The following INKA2 variants were observed in gnomAD, a reference collection of about 807,000 sequenced individuals.
INKA2 encodes inka box actin regulator 2, also known as PAK4-inhibitor INKA2.
A neutral mutation model predicts 9.8 loss-of-function variants in INKA2; 3 were observed. The observed-to-expected ratio is 0.31, with a 90% CI of 0.14 to 0.79. INKA2 has a LOEUF of 0.79. INKA2 is among the 30% of genes least tolerant of loss of function. The pLI is 0.62. For missense variants in INKA2, 392 were observed against 384.4 expected, an observed-to-expected ratio of 1.02 and a Z score of -0.17; for synonymous variants, 147 against 143.3, an observed-to-expected ratio of 1.03 and a Z score of -0.18.
In INKA2 at chr1:111,727,326, C is replaced by A. The variant is rs1441239950; in HGVS notation, c.536G>T (p.Gly179Val). ...WLDLPELEKG[G>V]EKGETGGARE... The stretch of plus-strand genomic sequence containing the variant: ...TGCCCCCCCAGTCTCACCCTTCTCC[C>A]CACCCTTCTCCAGTTCTGGCAAGTC... The change falls in exon 2 of 2, where the codon GGG becomes GTG. Residue 179 changes from glycine (G) to valine (V), a missense_variant. Physicochemically the swap from Gly to Val is moderately radical, Grantham distance 109 (BLOSUM62 -3). Transcript: ENST00000357260. 3.7e-6 allele frequency: 6 copies of A among 1,614,206 alleles called. No homozygotes were observed. Among genetic ancestry groups the A allele is most frequent in the Non-Finnish European group, 5.1e-6 (6 of 1,180,018 alleles).
In INKA2 at chr1:111,739,385, G is replaced by T; in HGVS notation, c.-143C>A. On this transcript the variant is annotated 5_prime_UTR_variant, in exon 1 of 2. Coordinates refer to ENST00000357260, the MANE Select transcript of INKA2 (RefSeq NM_019099.5). The stretch of plus-strand genomic sequence containing the variant: ...AGCTGAGCCTGCGCTCCGAGCCCGG[G>T]ACTCAGAGTCGCTTCCCCAGCGGCT... The T allele has an allele frequency of 1.3e-6, 2 of 1,497,122 alleles. No homozygotes were observed. Among genetic ancestry groups the T allele is most frequent in the South Asian group, 1.3e-5 (1 of 77,048 alleles). The allele number at this position is 1,497,122 out of a possible 1,614,324, so 92.7% of individuals were successfully genotyped here. A position where few individuals can be genotyped will look rare whatever the true frequency, so the allele number is the denominator to read the frequency against.
At chr1:111,737,588 T>C (rs557377211) in intron 1 of INKA2, among the ~76,000 whole-genome samples, 2 of 152,182 alleles carry the variant, frequency 1.3e-5, no homozygotes, top group South Asian at 2.1e-4. Flanking sequence ...CACACATAAA[T>C]GGAAAAAAAT....
At chr1:111,734,599 G>A (rs570311968) in intron 1 of INKA2, among the ~76,000 whole-genome samples, 1 of 152,166 alleles carries the variant, frequency 6.6e-6, no homozygotes, top group Admixed American at 6.5e-5. Context: ...GTGTGTCCAC[G>A]ACAGCTCTTT....
intron 1 of INKA2, chr1:111,746,479 A>C (rs773054291): frequency 6.6e-6 from 1 of 152,234 alleles, no homozygotes; most frequent in Non-Finnish European, 1.5e-5. Context: ...GAGGCAATAG[A>C]GAGTGAATAA....
At chr1:111,744,270 A>C (rs1663210172), upstream of INKA2, 1 of 152,206 alleles carries the variant, frequency 6.6e-6, no homozygotes, top group South Asian at 2.1e-4. Context: ...TTTAATTAAA[A>C]ATTAAAAAAA....
At chr1:111,730,351 T>C (rs937898898) in intron 1 of INKA2, among the ~76,000 whole-genome samples, 3 of 152,168 alleles carry the variant, frequency 2.0e-5, no homozygotes, top group African/African-American at 7.2e-5. Flanking sequence ...TCCATTCAAC[T>C]ACCCCTGCTC....
chr1:111,738,690 C>G (rs1401710329), intron 1 of INKA2, among the ~76,000 whole-genome samples: 1 of 152,158 alleles, frequency 6.6e-6, no homozygotes, highest in Non-Finnish European at 1.5e-5. Context: ...GTACCCGCTT[C>G]CCTCGAGCGA....
chr1:111,732,140 A>G (rs138085464), intron 1 of INKA2, among the ~76,000 whole-genome samples: 5 of 152,308 alleles, frequency 3.3e-5, no homozygotes, highest in Non-Finnish European at 7.4e-5. Flanking sequence ...CTAAGAGAGG[A>G]GCCAGCAAAA....
intron 1 of INKA2, among the ~76,000 whole-genome samples, chr1:111,732,626 G>C (rs1662934339): frequency 6.7e-6 from 1 of 149,880 alleles, no homozygotes. Context: ...CACCATCAAA[G>C]GTAAAACCCT....
In INKA2 at chr1:111,726,039, C is replaced by T. The variant is rs971889554; in HGVS notation, c.*929G>A. ...GGCGTGAGCCACAGCGCCCAGCCTG[C>T]GGGGTGCTAAGAACTGTTGGGGAGG... On this transcript the variant is annotated 3_prime_UTR_variant, in exon 2 of 2. Transcript: ENST00000357260. 3 of 398,530 alleles carry T rather than the reference C, an allele frequency of 7.5e-6. No homozygotes were observed. Among genetic ancestry groups the T allele is most frequent in the African/African-American group, 6.2e-5 (3 of 48,620 alleles). 24.7% of individuals were successfully genotyped at this position (398,530 alleles called of 1,614,324 possible).
chr1:111,732,403 G>A (rs537284035), intron 1 of INKA2, among the ~76,000 whole-genome samples: 1 of 152,072 alleles, frequency 6.6e-6, no homozygotes, highest in South Asian at 2.1e-4. Context: ...TGCAGGGTGC[G>A]GAGTTCCTCC....
At chr1:111,742,829 A>G (rs971899703), upstream of INKA2, among the ~76,000 whole-genome samples, 6 of 152,254 alleles carry the variant, frequency 3.9e-5, no homozygotes, top group African/African-American at 1.2e-4. Flanking sequence ...TTGGAGGACA[A>G]TTACTGTCTA....
At chr1:111,732,736 C>T (rs1343802157) in intron 1 of INKA2, among the ~76,000 whole-genome samples, 1 of 151,948 alleles carries the variant, frequency 6.6e-6, no homozygotes, top group Non-Finnish European at 1.5e-5. Flanking sequence ...CCCACAGTCC[C>T]TCTCCCACCC....
At chr1:111,728,909 T>TTTTTTC (rs1352982516) in intron 1 of INKA2, among the ~76,000 whole-genome samples, 2 of 149,376 alleles carry the variant, frequency 1.3e-5, no homozygotes, top group Non-Finnish European at 3.0e-5. Flanking sequence ...TAGGCTTTTT[T>TTTTTTC]TTTTTTTTTT....
intron 1 of INKA2, among the ~76,000 whole-genome samples, chr1:111,737,194 G>A (rs1229865711): frequency 1.3e-5 from 2 of 152,316 alleles, no homozygotes; most frequent in Middle Eastern, 3.4e-3. Context: ...GGGGCACTCC[G>A]TGACTTCAGC....
intron 1 of INKA2, chr1:111,746,805 T>A (rs1663283155): frequency 6.6e-6 from 1 of 152,136 alleles, no homozygotes; most frequent in Admixed American, 6.5e-5. Flanking sequence ...AGACAGTAGA[T>A]CACCAGAGGG....
intron 1 of INKA2, among the ~76,000 whole-genome samples, chr1:111,736,699 T>A (rs927400165): frequency 1.3e-5 from 2 of 152,188 alleles, no homozygotes; most frequent in African/African-American, 4.8e-5. Flanking sequence ...CTGCCTGGGA[T>A]GGGCCATCTG....
intron 1 of INKA2, among the ~76,000 whole-genome samples, chr1:111,730,523 G>A (rs914575183): frequency 2.6e-5 from 4 of 152,088 alleles, no homozygotes; most frequent in African/African-American, 9.7e-5. Flanking sequence ...CATCTCCGTG[G>A]CTCTCCAATG....
chr1:111,728,220 T>A (rs1348418683), intron 1 of INKA2, among the ~76,000 whole-genome samples: 1 of 152,216 alleles, frequency 6.6e-6, no homozygotes, highest in Non-Finnish European at 1.5e-5. Context: ...TCATCCTTTT[T>A]TGAGTCTGAG....
Sources: allele counts gnomAD v4.1 joint callset (sites outside exome capture counted in the v4.1 genomes callset), GRCh38; gene constraint gnomAD v4.1.1; transcripts MANE v1.5; gene names NCBI Gene and HGNC (gene_info 2026-07-23, HGNC 2026-07-21).